Variants in KIFBP observed in about 807,000 individuals in gnomAD.
The protein encoded by KIFBP is kinesin family binding protein, also known as KIF-binding protein.
KIFBP carries 46 observed loss-of-function variants against 58.9 expected under a neutral mutation model. The observed-to-expected ratio is 0.78, with a 90% CI of 0.62 to 1.00. KIFBP has a LOEUF of 1.00. Ranked by LOEUF, KIFBP falls within the 50% of genes least tolerant of loss-of-function variation. The pLI, the probability that KIFBP is intolerant of heterozygous loss-of-function variation, is 0.00. For synonymous variants in KIFBP, 241 were observed against 283.4 expected (o/e 0.85, Z 1.50); for missense variants, 651 against 752.9 (o/e 0.86, Z 1.58).
intron 6 of KIFBP, among the ~76,000 whole-genome samples, chr10:69,011,570 G>T (rs1046534645): frequency 4.7e-4 from 71 of 150,916 alleles, no homozygotes; most frequent in African/African-American, 1.6e-3. Context: ...ATTTTGTAGA[G>T]ACTGGCTCTC....
intron 6 of KIFBP, 47 bp downstream of exon 6, chr10:69,011,062 G>A (rs760392314): frequency 7.5e-7 from 1 of 1,341,942 alleles, no homozygotes; most frequent in African/African-American, 1.4e-5. Context: ...TGAGGAAATT[G>A]TAAGTAAAAA....
chr10:69,013,873 C>T (rs1029462293), intron 6 of KIFBP, among the ~76,000 whole-genome samples: 1 of 152,128 alleles, frequency 6.6e-6, no homozygotes, highest in Non-Finnish European at 1.5e-5. Context: ...CATCAGCCTG[C>T]CAAGTAACTG....
intron 2 of KIFBP, among the ~76,000 whole-genome samples, chr10:69,004,222 A>G (rs1182756634): frequency 1.4e-5 from 2 of 137,940 alleles, no homozygotes; most frequent in African/African-American, 3.2e-5. Flanking sequence ...CCATCTCCAA[A>G]AAAAAAAAAA....
At chr10:69,005,997 C>CT in intron 4 of KIFBP, 82 bp downstream of exon 4, 3 of 1,264,726 alleles carry the variant, frequency 2.4e-6, no homozygotes, top group Non-Finnish European at 3.4e-6. Context: ...AAAATACTAT[C>CT]TTTTAAAAAC....
At chr10:69,008,389 A>ATATATATATAT (rs1434053871) in intron 4 of KIFBP, among the ~76,000 whole-genome samples, 62 of 56,546 alleles carry the variant, frequency 1.1e-3, no homozygotes, top group African/African-American at 3.3e-3. Context: ...AAAAAAAAAA[A>ATATATATATAT]AAATATATAT....
At position 69,008,689 on chromosome 10, in the gene KIFBP, C is replaced by G; in HGVS notation, c.790-152C>G. The G allele has an allele frequency of 4.3e-6, 3 of 691,146 alleles. 1 individual carries two copies. The highest frequency in any genetic ancestry group is 7.9e-6 in the Non-Finnish European group (3 of 380,226). 42.8% of individuals were successfully genotyped at this position (691,146 alleles called of 1,614,324 possible). ...ATAATATGATAATATATCTTTTGTA[C>G]CTTCTGAATGATCTGCAACTCTACA... On this transcript the variant is annotated intron_variant, in intron 4 of 6. Transcript: ENST00000361983.
intron 2 of KIFBP, among the ~76,000 whole-genome samples, chr10:69,004,020 G>A (rs1405681794): frequency 1.3e-5 from 2 of 151,884 alleles, no homozygotes; most frequent in Non-Finnish European, 2.9e-5. Context: ...AAGAGATTGA[G>A]ACCATCCTGG....
rs377744293 is a variant in KIFBP, at chr10:69,015,878, G to A, written c.1328G>A (p.Arg443Gln). Residue 443 changes from arginine to glutamine, a missense_variant, in exon 7 of 7, where the codon CGG becomes CAG. Arg to Gln is a conservative substitution (Grantham distance 43). Transcript: ENST00000361983. The stretch of plus-strand genomic sequence containing the variant: ...TTCTTTGAAACTGACATGGAGAGAC[G>A]GTGCAAGATGCATAAACGCAGAATA... ...LAFFETDMERRCKMHKRRIAM... is the reference protein window; with the variant it reads ...LAFFETDMERQCKMHKRRIAM... 4.3e-5 allele frequency: 69 copies of A among 1,614,070 alleles called. No individual in the cohort carries two copies. Among genetic ancestry groups the A allele is most frequent in the African/African-American group, 2.7e-4 (20 of 75,012 alleles).
chr10:68,996,869 TA>T (rs1049703666), intron 1 of KIFBP, among the ~76,000 whole-genome samples: 6 of 64,406 alleles, frequency 9.3e-5, no homozygotes, highest in Non-Finnish European at 2.7e-4. Flanking sequence ...TAAAATAAAA[TA>T]AAAAATATTT....
chr10:69,004,162 G>A (rs1288451670), intron 2 of KIFBP, among the ~76,000 whole-genome samples: 1 of 146,806 alleles, frequency 6.8e-6, no homozygotes, highest in African/African-American at 2.5e-5. Context: ...GGAGGTTGCA[G>A]TGAGCCGAGA....
intron 1 of KIFBP, among the ~76,000 whole-genome samples, chr10:68,990,374 C>T (rs1843328728): frequency 6.6e-6 from 1 of 151,702 alleles, no homozygotes; most frequent in African/African-American, 2.4e-5. Flanking sequence ...TTAAACAAAA[C>T]AAAACAAAAC....
At chr10:68,990,895 C>T (rs1053061397) in intron 1 of KIFBP, among the ~76,000 whole-genome samples, 1 of 151,836 alleles carries the variant, frequency 6.6e-6, no homozygotes, top group Non-Finnish European at 1.5e-5. Flanking sequence ...GAACAGTACA[C>T]AATTATTAAA....
chr10:69,002,605 G>C (rs1429403865), intron 2 of KIFBP, among the ~76,000 whole-genome samples: 1 of 152,116 alleles, frequency 6.6e-6, no homozygotes, highest in Non-Finnish European at 1.5e-5. Flanking sequence ...AAGGTCTGAG[G>C]CCAGGCACAG....
intron 6 of KIFBP, among the ~76,000 whole-genome samples, chr10:69,013,332 T>C (rs377543074): frequency 6.6e-6 from 1 of 152,222 alleles, no homozygotes; most frequent in African/African-American, 2.4e-5. Flanking sequence ...AAGATAATTT[T>C]AGAGGTCAGA....
chr10:68,993,378 G>C (rs572392910), intron 1 of KIFBP, among the ~76,000 whole-genome samples: 1 of 152,166 alleles, frequency 6.6e-6, no homozygotes, highest in African/African-American at 2.4e-5. Flanking sequence ...GTTCTCCCTT[G>C]TGGGTTAGTA....
intron 2 of KIFBP, among the ~76,000 whole-genome samples, chr10:69,004,737 A>G (rs1048214401): frequency 1.3e-5 from 2 of 151,968 alleles, no homozygotes; most frequent in Non-Finnish European, 2.9e-5. Context: ...GGTGGTGCAC[A>G]CCTGTGGTTC....
chr10:69,005,110 A>G lies in KIFBP; in HGVS notation c.590A>G (p.Gln197Arg), dbSNP rs866585619. ...FLPEEEKLTE[Q>R]ERSKRFEKVY... is the part of the protein sequence containing the mutation. ...CCTGAAGAAGAGAAACTTACTGAAC[A>G]AGAGAGATCAAAAAGGTGAGTAGGT... Residue 197 changes from glutamine (Q) to arginine (R), a missense_variant, in exon 3 of 7, where the codon CAA becomes CGA. Physicochemically the swap from Gln to Arg is conservative, Grantham distance 43 (BLOSUM62 1). Transcript: ENST00000361983. 2 of 1,611,896 alleles carry G rather than the reference A, an allele frequency of 1.2e-6. No individual in the cohort carries two copies. The highest frequency in any genetic ancestry group is 2.7e-5 in the African/African-American group (2 of 75,012).
chr10:69,015,896 G>T lies in KIFBP; in HGVS notation c.1346G>T (p.Arg449Leu). The change falls in exon 7 of 7, where the codon CGC becomes CTC. Residue 449 changes from arginine to leucine, a missense_variant. Physicochemically the swap from Arg to Leu is moderately radical, Grantham distance 102 (BLOSUM62 -2). Transcript: ENST00000361983. The stretch of plus-strand genomic sequence containing the variant: ...GAGAGACGGTGCAAGATGCATAAAC[G>T]CAGAATAGCCATGCTAGAGCCCCTA... ...DMERRCKMHK[R>L]RIAMLEPLTV... 1 of 1,614,100 alleles carries T rather than the reference G, an allele frequency of 6.2e-7. No individual in the cohort carries two copies. Among genetic ancestry groups the T allele is most frequent in the Non-Finnish European group, 8.5e-7 (1 of 1,180,036 alleles).
In KIFBP at chr10:69,005,137, TA is replaced by T. The variant is rs1444751760; in HGVS notation, c.605+13del. On this transcript the variant is annotated intron_variant, in intron 3 of 6. Transcript: ENST00000361983. The stretch of plus-strand genomic sequence containing the variant: ...GAGAGATCAAAAAGGTGAGTAGGTA[TA>T]GAAATCAGCCCTTGCAAATATTTCC... 1 of 1,567,122 alleles carries T rather than the reference TA, an allele frequency of 6.4e-7. No individual in the cohort carries two copies. The highest frequency in any genetic ancestry group is 1.4e-5 in the African/African-American group (1 of 73,972).
Sources: allele counts gnomAD v4.1 joint callset (sites outside exome capture counted in the v4.1 genomes callset), GRCh38; gene constraint gnomAD v4.1.1; transcripts MANE v1.5; gene names NCBI Gene and HGNC (gene_info 2026-07-23, HGNC 2026-07-21).